SCHIP1: variants seen among roughly 807,000 people sequenced by gnomAD.
SCHIP1 encodes the protein schwannomin-interacting protein 1.
A neutral mutation model predicts 29.7 loss-of-function variants in SCHIP1; 8 were observed. That is an observed-to-expected ratio of 0.27 (90% confidence interval 0.16 to 0.49). The LOEUF is 0.49. SCHIP1 is among the 20% of genes least tolerant of loss of function. The pLI, the probability that SCHIP1 is intolerant of heterozygous loss-of-function variation, is 0.99. For synonymous variants in SCHIP1, 76 were observed against 94.9 expected (o/e 0.80, Z 1.16); for missense variants, 193 against 294.6 (o/e 0.66, Z 2.52).
chr3:159,699,535 A>G, the SCHIP1 span, among the ~76,000 whole-genome samples: 21 of 152,316 alleles, frequency 1.4e-4, no homozygotes, highest in African/African-American at 4.8e-4. Context: ...CAAGGAAGGG[A>G]GAACCAAGAT....
the SCHIP1 span, among the ~76,000 whole-genome samples, chr3:159,387,990 T>G: frequency 6.6e-6 from 1 of 152,174 alleles, no homozygotes; most frequent in Non-Finnish European, 1.5e-5. Context: ...ATTAGAAACA[T>G]AAGAAATTAT....
At chr3:159,761,082 TGGA>T in the SCHIP1 span, among the ~76,000 whole-genome samples, 1 of 151,786 alleles carries the variant, frequency 6.6e-6, no homozygotes, top group African/African-American at 2.4e-5. Context: ...AGAAGTGGGG[TGGA>T]GGAGGAGAAA....
At chr3:159,764,637 G>A in the SCHIP1 span, 1 of 1,606,136 alleles carries the variant, frequency 6.2e-7, no homozygotes, top group African/African-American at 1.3e-5. The surrounding 1 kb of genome is among the most constrained non-coding windows in gnomAD (Gnocchi z 6.1). Context: ...TCTACCAGAA[G>A]AAGGTGATTG....
the SCHIP1 span, among the ~76,000 whole-genome samples, chr3:159,700,791 G>A: frequency 6.6e-6 from 1 of 151,224 alleles, no homozygotes; most frequent in East Asian, 1.9e-4. Flanking sequence ...CCAGCCTGGG[G>A]TGACAGAGTG....
At chr3:159,886,446 G>C (rs1716971007) in intron 3 of SCHIP1, 122 bp downstream of exon 4, 3 of 816,966 alleles carry the variant, frequency 3.7e-6, no homozygotes, top group Non-Finnish European at 5.7e-6. Context: ...AAGTTTCTTG[G>C]AATTGCATGC....
the SCHIP1 span, among the ~76,000 whole-genome samples, chr3:159,597,906 G>C: frequency 1.3e-5 from 2 of 152,138 alleles, no homozygotes; most frequent in South Asian, 4.1e-4. Context: ...GTTTCTCATG[G>C]CTGGAAAGGC....
chr3:159,523,574 C>T, the SCHIP1 span, among the ~76,000 whole-genome samples: 4 of 151,588 alleles, frequency 2.6e-5, no homozygotes, highest in East Asian at 1.9e-4. Flanking sequence ...TAAGTGTGTG[C>T]GTGTGTGTGT....
At chr3:159,477,041 G>A in the SCHIP1 span, among the ~76,000 whole-genome samples, 1 of 151,976 alleles carries the variant, frequency 6.6e-6, no homozygotes, top group African/African-American at 2.4e-5. Context: ...AGAGCATGTG[G>A]GATTCATCTC....
At chr3:159,536,857 C>A in the SCHIP1 span, among the ~76,000 whole-genome samples, 1 of 152,288 alleles carries the variant, frequency 6.6e-6, no homozygotes, top group Admixed American at 6.5e-5. Flanking sequence ...GCATAAAACT[C>A]ATCTCTTCCT....
chr3:159,418,251 C>T, the SCHIP1 span, among the ~76,000 whole-genome samples: 1 of 152,146 alleles, frequency 6.6e-6, no homozygotes, highest in Non-Finnish European at 1.5e-5. Flanking sequence ...TGTTGACAGG[C>T]ATTTAGGTTG....
At chr3:159,367,356 A>G in the SCHIP1 span, among the ~76,000 whole-genome samples, 1 of 151,290 alleles carries the variant, frequency 6.6e-6, no homozygotes, top group African/African-American at 2.4e-5. Flanking sequence ...CATGCCATTC[A>G]TTGCACTCTC....
the SCHIP1 span, among the ~76,000 whole-genome samples, chr3:159,749,766 T>A: frequency 6.6e-6 from 1 of 152,196 alleles, no homozygotes. Context: ...AAAAGATAAA[T>A]TGAACACATA....
At chr3:159,512,740 CAGTTA>C in the SCHIP1 span, among the ~76,000 whole-genome samples, 2 of 152,162 alleles carry the variant, frequency 1.3e-5, no homozygotes, top group Admixed American at 6.5e-5. Context: ...TGAAACTGTA[CAGTTA>C]AGTTATTATC....
the SCHIP1 span, among the ~76,000 whole-genome samples, chr3:159,533,788 C>T: frequency 3.3e-5 from 5 of 152,254 alleles, no homozygotes; most frequent in Admixed American, 2.0e-4. Flanking sequence ...TAGTCAAGGC[C>T]AATTAAAATG....
chr3:159,469,345 G>A, the SCHIP1 span, among the ~76,000 whole-genome samples: 2 of 152,040 alleles, frequency 1.3e-5, no homozygotes, highest in African/African-American at 4.8e-5. Flanking sequence ...TGCTGACACC[G>A]CCAAGCTAAA....
chr3:159,797,589 T>G, the SCHIP1 span, among the ~76,000 whole-genome samples: 2 of 152,050 alleles, frequency 1.3e-5, no homozygotes, highest in African/African-American at 4.8e-5. Flanking sequence ...TTTTTTTTTT[T>G]TGAGACAGTG....
chr3:159,448,760 A>T, the SCHIP1 span, among the ~76,000 whole-genome samples: 1 of 152,182 alleles, frequency 6.6e-6, no homozygotes, highest in Non-Finnish European at 1.5e-5. Context: ...GCTGTCTACC[A>T]TCTATCATCT....
chr3:159,407,287 CA>C, the SCHIP1 span, among the ~76,000 whole-genome samples: 8 of 151,786 alleles, frequency 5.3e-5, no homozygotes, highest in Non-Finnish European at 1.0e-4. Flanking sequence ...TAAAAAGGGA[CA>C]AAAAATGTCG....
chr3:159,560,295 A>T, the SCHIP1 span, among the ~76,000 whole-genome samples: 1,248 of 152,286 alleles, frequency 8.2e-3, 10 homozygotes, highest in Non-Finnish European at 0.013. Context: ...CTTGTAAGTC[A>T]GTGGGAAGCT....
Sources: allele counts gnomAD v4.1 joint callset (sites outside exome capture counted in the v4.1 genomes callset), GRCh38; gene constraint gnomAD v4.1.1; non-coding constraint Gnocchi (gnomAD v3.1); transcripts MANE v1.5; gene names NCBI Gene and HGNC (gene_info 2026-07-23, HGNC 2026-07-21).